FTO: variants seen among roughly 807,000 people sequenced by gnomAD.
FTO encodes alpha-ketoglutarate-dependent dioxygenase FTO.
A neutral mutation model predicts 63.9 loss-of-function variants in FTO; 47 were observed. The ratio of observed to expected loss-of-function variants is 0.74; its 90% CI spans 0.58 to 0.94. FTO has a LOEUF of 0.94. FTO is among the 40% of genes least tolerant of loss of function. The pLI, the probability that FTO is intolerant of heterozygous loss-of-function variation, is 0.00. For missense variants in FTO, 562 were observed against 618.1 expected (o/e 0.91, Z 0.96); for synonymous variants, 207 against 224.4 (o/e 0.92, Z 0.69).
At chr16:53,706,240 C>T (rs1203760349) in intron 1 of FTO, among the ~76,000 whole-genome samples, 1 of 152,104 alleles carries the variant, frequency 6.6e-6, no homozygotes, top group Non-Finnish European at 1.5e-5. Flanking sequence ...TGTAAAGTGT[C>T]CAATGGCTCA....
intron 8 of FTO, among the ~76,000 whole-genome samples, chr16:54,012,706 A>G (rs1181082611): frequency 1.3e-5 from 2 of 152,328 alleles, no homozygotes; most frequent in South Asian, 2.1e-4. Flanking sequence ...AGGGCACTTA[A>G]GAATTATGCT....
chr16:53,918,579 G>A (rs1278356631), intron 7 of FTO, among the ~76,000 whole-genome samples: 2 of 152,170 alleles, frequency 1.3e-5, no homozygotes, highest in Admixed American at 6.5e-5. Context: ...GGACATTCTA[G>A]TAGAGCAGAG....
At chr16:53,948,936 A>G (rs2082709682) in intron 8 of FTO, among the ~76,000 whole-genome samples, 1 of 152,110 alleles carries the variant, frequency 6.6e-6, no homozygotes, top group African/African-American at 2.4e-5. Context: ...GCATTATTCC[A>G]TGTAGGTTCT....
Position 54,112,225 on chromosome 16 carries a change from C to A in FTO, c.*310C>A, listed in dbSNP as rs2086907621. On this transcript the variant is annotated 3_prime_UTR_variant, in exon 9 of 9. Coordinates refer to ENST00000471389, the MANE Select transcript of FTO (RefSeq NM_001080432.3). The stretch of plus-strand genomic sequence containing the variant: ...GGAACGAGCCCAGCGTGTGACAAAG[C>A]CTAACCTACTTTCCTCTTTCCCAAG... The A allele has an allele frequency of 2.6e-6, 1 of 391,958 alleles. No individual in the cohort carries two copies. The highest frequency in any genetic ancestry group is 4.8e-6 in the Non-Finnish European group (1 of 206,942). The allele number at this position is 391,958 out of a possible 1,614,324, so 24.3% of individuals were successfully genotyped here.
At chr16:53,847,451 T>G (rs2079659263) in intron 4 of FTO, among the ~76,000 whole-genome samples, 1 of 152,110 alleles carries the variant, frequency 6.6e-6, no homozygotes, top group African/African-American at 2.4e-5. Flanking sequence ...CTTCTTAAGG[T>G]TATGGGTTTC....
intron 2 of FTO, chr16:53,814,891 A>G (rs2078630799): frequency 1.3e-5 from 2 of 152,250 alleles, no homozygotes; most frequent in African/African-American, 4.8e-5. Context: ...AAAACTGACA[A>G]GAGATTCGTG....
chr16:53,800,820 T>A (rs2078200111), intron 1 of FTO, among the ~76,000 whole-genome samples: 1 of 151,974 alleles, frequency 6.6e-6, no homozygotes, highest in South Asian at 2.1e-4. Context: ...ACTGGGTAAA[T>A]TTTTTTCCAA....
chr16:53,888,552 T>C (rs2081068823), intron 6 of FTO, among the ~76,000 whole-genome samples: 1 of 152,104 alleles, frequency 6.6e-6, no homozygotes, highest in South Asian at 2.1e-4. Context: ...ACTCCTGGCC[T>C]CAAGAGATCC....
At chr16:53,773,989 A>G (rs1567974799) in intron 1 of FTO, among the ~76,000 whole-genome samples, 1 of 152,146 alleles carries the variant, frequency 6.6e-6, no homozygotes, top group East Asian at 1.9e-4. Context: ...TGGAATTTTA[A>G]TTTTTTCCAT....
chr16:53,975,792 G>T (rs1031351904), intron 8 of FTO, among the ~76,000 whole-genome samples: 3 of 152,046 alleles, frequency 2.0e-5, no homozygotes, highest in African/African-American at 7.2e-5. Flanking sequence ...ATTTTATGTG[G>T]CTCACCCAAG....
chr16:54,026,303 G>A (rs560526795), intron 8 of FTO, among the ~76,000 whole-genome samples: 1 of 152,134 alleles, frequency 6.6e-6, no homozygotes, highest in Non-Finnish European at 1.5e-5. Flanking sequence ...GGTCACAAAA[G>A]AACTGCTGTG....
At chr16:53,757,925 G>T (rs1470128713) in intron 1 of FTO, among the ~76,000 whole-genome samples, 2 of 152,182 alleles carry the variant, frequency 1.3e-5, no homozygotes, top group African/African-American at 2.4e-5. Context: ...TTACCAGTCT[G>T]TTGTTGCAGA....
chr16:53,961,278 C>G (rs1045513905), intron 8 of FTO, among the ~76,000 whole-genome samples: 1 of 152,104 alleles, frequency 6.6e-6, no homozygotes, highest in African/African-American at 2.4e-5. Flanking sequence ...TCGCAGGCTG[C>G]CCTCACTTGA....
intron 8 of FTO, among the ~76,000 whole-genome samples, chr16:54,080,374 C>T (rs1415703409): frequency 1.3e-5 from 2 of 152,180 alleles, no homozygotes; most frequent in African/African-American, 2.4e-5. Flanking sequence ...GAGTGCCAGG[C>T]ATTGTGCTAT....
chr16:54,030,875 C>G (rs1323831967), intron 8 of FTO, among the ~76,000 whole-genome samples: 2 of 152,100 alleles, frequency 1.3e-5, no homozygotes, highest in Non-Finnish European at 1.5e-5. Flanking sequence ...CCCTTTAGAA[C>G]AAAAACTGTT....
At chr16:54,094,195 T>G (rs1398441436) in intron 8 of FTO, among the ~76,000 whole-genome samples, 1 of 152,186 alleles carries the variant, frequency 6.6e-6, no homozygotes, top group African/African-American at 2.4e-5. Flanking sequence ...TCCTTAAAGA[T>G]GCCCAGGTGG....
At chr16:53,851,831 A>T (rs1373448705) in intron 4 of FTO, among the ~76,000 whole-genome samples, 1 of 152,130 alleles carries the variant, frequency 6.6e-6, no homozygotes, top group Non-Finnish European at 1.5e-5. Context: ...TGGAAAGTTG[A>T]GGAAGATCTA....
At chr16:53,853,584 C>T (rs1219856768) in intron 4 of FTO, among the ~76,000 whole-genome samples, 1 of 152,072 alleles carries the variant, frequency 6.6e-6, no homozygotes, top group East Asian at 1.9e-4. Context: ...TTTGTTTGTC[C>T]ATTCCTGAGT....
chr16:53,796,606 T>C (rs2078079272), intron 1 of FTO, among the ~76,000 whole-genome samples: 1 of 152,204 alleles, frequency 6.6e-6, no homozygotes, highest in Non-Finnish European at 1.5e-5. Context: ...TAGATGAAGT[T>C]GATACATACC....
Sources: gnomAD v4.1 joint callset for allele counts (sites outside exome capture counted in the v4.1 genomes callset) on GRCh38, gnomAD v4.1.1 for gene constraint, MANE v1.5 for transcripts, NCBI Gene and HGNC (gene_info 2026-07-23, HGNC 2026-07-21) for gene names.